Variants in ASIC2 observed in about 807,000 individuals in gnomAD.
The protein encoded by ASIC2 is acid-sensing ion channel 2.
In ASIC2, 25 loss-of-function variants were observed where a neutral mutation model predicts 57.3. The observed-to-expected ratio is 0.44, with a 90% CI of 0.32 to 0.61. The LOEUF (loss-of-function observed/expected upper bound fraction) is 0.61, where lower values mean the gene tolerates loss of function less well. Ranked by LOEUF, ASIC2 falls within the 20% of genes least tolerant of loss-of-function variation. ASIC2 has a pLI of 0.06. For missense variants in ASIC2, 641 were observed against 738.1 expected (o/e 0.87, Z 1.52); for synonymous variants, 319 against 307.5 (o/e 1.04, Z -0.39).
chr17:33,599,854 A>T (rs1217295194), intron 1 of ASIC2, among the ~76,000 whole-genome samples: 1 of 152,104 alleles, frequency 6.6e-6, no homozygotes, highest in Non-Finnish European at 1.5e-5. Flanking sequence ...TCTAGAAAGG[A>T]TGGCTCAGAC....
intron 1 of ASIC2, among the ~76,000 whole-genome samples, chr17:33,734,076 C>G (rs1909832443): frequency 6.6e-6 from 1 of 152,120 alleles, no homozygotes; most frequent in South Asian, 2.1e-4. Context: ...TAGAAGCAAT[C>G]AGAAGAAAAA....
chr17:33,206,484 G>A (rs896520063), intron 1 of ASIC2, among the ~76,000 whole-genome samples: 5 of 152,184 alleles, frequency 3.3e-5, no homozygotes, highest in African/African-American at 1.2e-4. Context: ...TCAACCCAAG[G>A]TCAAGCCAAG....
chr17:33,452,396 C>T (rs1366075336), intron 1 of ASIC2, among the ~76,000 whole-genome samples: 1 of 152,222 alleles, frequency 6.6e-6, no homozygotes, highest in Admixed American at 6.5e-5. Context: ...ACCTCTTTGC[C>T]TGGCAGCATA....
chr17:33,186,342 C>T (rs1388483521), intron 1 of ASIC2, among the ~76,000 whole-genome samples: 1 of 152,116 alleles, frequency 6.6e-6, no homozygotes, highest in East Asian at 1.9e-4. Flanking sequence ...AATTCTTGAC[C>T]TCAAATGATC....
intron 1 of ASIC2, among the ~76,000 whole-genome samples, chr17:33,153,885 C>T (rs1904894336): frequency 6.6e-6 from 1 of 152,200 alleles, no homozygotes; most frequent in South Asian, 2.1e-4. Context: ...TGGGTTAGCT[C>T]TGAAGGGCCA....
intron 1 of ASIC2, among the ~76,000 whole-genome samples, chr17:34,099,746 GAAAGAAAGAAAGA>G (rs1910773125): frequency 4.3e-4 from 1 of 2,302 alleles, no homozygotes; most frequent in East Asian, 4.6e-3. Flanking sequence ...AAGAAAGAAA[GAAAGAAAGAAAGA>G]AAGAAAGAAA....
At chr17:34,020,138 CTAATAT>C (rs781408798) in intron 1 of ASIC2, among the ~76,000 whole-genome samples, 9 of 152,188 alleles carry the variant, frequency 5.9e-5, no homozygotes, top group Non-Finnish European at 1.2e-4. Context: ...ATCTACCACA[CTAATAT>C]TAACAGCATA....
intron 1 of ASIC2, among the ~76,000 whole-genome samples, chr17:33,566,400 G>A (rs1341168589): frequency 6.6e-6 from 1 of 152,204 alleles, no homozygotes; most frequent in East Asian, 1.9e-4. Context: ...GAACCAGGCA[G>A]GAACACCCAG....
intron 1 of ASIC2, among the ~76,000 whole-genome samples, chr17:33,169,949 C>T (rs993562787): frequency 2.0e-5 from 3 of 152,174 alleles, no homozygotes; most frequent in Non-Finnish European, 4.4e-5. Context: ...CCCTTTTGTA[C>T]TTTAAAGTGC....
At chr17:33,506,778 T>A (rs867508516) in intron 1 of ASIC2, among the ~76,000 whole-genome samples, 2 of 152,198 alleles carry the variant, frequency 1.3e-5, no homozygotes, top group Admixed American at 6.5e-5. Context: ...GCTAATCATG[T>A]CTGTCTCTGA....
intron 1 of ASIC2, among the ~76,000 whole-genome samples, chr17:33,763,074 C>G (rs561745542): frequency 1.5e-3 from 233 of 152,292 alleles, no homozygotes; most frequent in Non-Finnish European, 2.6e-3. Context: ...GAACCAGTAT[C>G]AGATCTCTGA....
At chr17:33,468,791 G>A (rs553243523) in intron 1 of ASIC2, among the ~76,000 whole-genome samples, 6 of 151,890 alleles carry the variant, frequency 4.0e-5, no homozygotes, top group African/African-American at 1.4e-4. Flanking sequence ...AAAAGTCAAA[G>A]TCAGGTGTCA....
chr17:33,651,535 A>T (rs1310367204), intron 1 of ASIC2, among the ~76,000 whole-genome samples: 3 of 152,222 alleles, frequency 2.0e-5, no homozygotes, highest in Non-Finnish European at 2.9e-5. Flanking sequence ...AGGACTCAGC[A>T]TCAGGCAGCT....
intron 1 of ASIC2, among the ~76,000 whole-genome samples, chr17:34,094,066 C>G (rs572405026): frequency 6.6e-6 from 1 of 152,020 alleles, no homozygotes; most frequent in Non-Finnish European, 1.5e-5. Context: ...GGAAGAAGAA[C>G]GAACTATAAA....
intron 1 of ASIC2, among the ~76,000 whole-genome samples, chr17:33,469,007 G>A (rs754622061): frequency 1.3e-5 from 2 of 152,212 alleles, no homozygotes; most frequent in Admixed American, 1.3e-4. Flanking sequence ...AGAGCCTGGC[G>A]GAGGCCTGGG....
chr17:33,859,208 A>G (rs1914041722), intron 1 of ASIC2, among the ~76,000 whole-genome samples: 2 of 152,220 alleles, frequency 1.3e-5, no homozygotes, highest in South Asian at 4.1e-4. Flanking sequence ...AATACCATAA[A>G]TAATGATAGT....
At chr17:33,328,204 G>C (rs1179754229) in intron 1 of ASIC2, among the ~76,000 whole-genome samples, 1 of 152,176 alleles carries the variant, frequency 6.6e-6, no homozygotes, top group African/African-American at 2.4e-5. Context: ...ACTGAGTTGA[G>C]GAGAGCCCCT....
intron 1 of ASIC2, among the ~76,000 whole-genome samples, chr17:33,179,099 G>C (rs1489954137): frequency 6.6e-6 from 1 of 152,170 alleles, no homozygotes; most frequent in African/African-American, 2.4e-5. Context: ...CATTAATGGG[G>C]ATTGGTGGAG....
chr17:34,097,822 T>G (rs1419870357), intron 1 of ASIC2, among the ~76,000 whole-genome samples: 1 of 152,050 alleles, frequency 6.6e-6, no homozygotes, highest in Non-Finnish European at 1.5e-5. Context: ...CCAAACTGCA[T>G]GAGGTGGGCA....
Sources: gnomAD v4.1 joint callset for allele counts (sites outside exome capture counted in the v4.1 genomes callset) on GRCh38, gnomAD v4.1.1 for gene constraint, MANE v1.5 for transcripts, NCBI Gene and HGNC (gene_info 2026-07-23, HGNC 2026-07-21) for gene names.